Variants in PAX8 observed in about 807,000 individuals in gnomAD.
PAX8 encodes paired box 8, also known as paired box protein Pax-8.
A neutral mutation model predicts 52.4 loss-of-function variants in PAX8; 15 were observed. The ratio of observed to expected loss-of-function variants is 0.29; its 90% CI spans 0.19 to 0.44. PAX8 has a LOEUF of 0.44. Among genes scored for constraint, PAX8 ranks in the 20% least tolerant of loss-of-function variants. The pLI is 1.00. For missense variants in PAX8, 554 were observed against 602.5 expected (o/e 0.92, Z 0.84); for synonymous variants, 284 against 249.7 (o/e 1.14, Z -1.29).
At chr2:113,259,008 G>C (rs1336219572) in intron 2 of PAX8, 2 of 152,216 alleles carry the variant, frequency 1.3e-5, no homozygotes, top group Non-Finnish European at 2.9e-5. Context: ...GAGCACAGGG[G>C]CCAGAGAGCT....
chr2:113,226,669 G>A (rs56128723), intron 10 of PAX8: 11 of 1,057,458 alleles, frequency 1.0e-5, no homozygotes, highest in South Asian at 6.1e-5. Context: ...CATCGTCATC[G>A]TCATCATCAT....
intron 6 of PAX8, 61 bp from the exon 7 acceptor site, chr2:113,241,787 A>G (rs1230451515): frequency 6.3e-7 from 1 of 1,579,424 alleles, no homozygotes; most frequent in Admixed American, 1.7e-5. Context: ...GCTCTAGGCC[A>G]AAGTAGAGGA....
At chr2:113,265,145 C>G (rs2104579214) in intron 2 of PAX8, among the ~76,000 whole-genome samples, 1 of 152,258 alleles carries the variant, frequency 6.6e-6, no homozygotes, top group African/African-American at 2.4e-5. Flanking sequence ...AAGTGAATAA[C>G]CTAGCTATCA....
At chr2:113,248,173 A>AT (rs1234349185) in intron 2 of PAX8, among the ~76,000 whole-genome samples, 1 of 152,138 alleles carries the variant, frequency 6.6e-6, no homozygotes, top group African/African-American at 2.4e-5. Context: ...CAGGGCCGAG[A>AT]TTTCCATTTT....
chr2:113,239,596 C>T (rs1454849533), intron 7 of PAX8: 1 of 152,270 alleles, frequency 6.6e-6, no homozygotes, highest in Non-Finnish European at 1.5e-5. Flanking sequence ...TCCCTGCCTT[C>T]ACCACCCTCC....
chr2:113,267,720 G>C (rs142582959), intron 2 of PAX8: 3 of 152,360 alleles, frequency 2.0e-5, no homozygotes. Flanking sequence ...ATTTCTCAGG[G>C]TCTCTGAAAG....
At chr2:113,231,018 T>C (rs964692617) in intron 9 of PAX8, among the ~76,000 whole-genome samples, 4 of 152,166 alleles carry the variant, frequency 2.6e-5, no homozygotes, top group African/African-American at 9.7e-5. Context: ...ATTCTAAATA[T>C]TGGTAGAGGC....
Position 113,236,702 on chromosome 2 carries a change from A to G in PAX8, c.797T>C (p.Leu266Ser), listed in dbSNP as rs727504065. ...KGEQGLYPLP[L>S]LNSTLDDGKA... The stretch of plus-strand genomic sequence containing the variant: ...CCCGTCGTCCAGGGTGCTGTTGAGC[A>G]AGGGCAGCGGGTAGAGGCCCTGGGG... Residue 266 changes from leucine to serine, a missense_variant, in exon 8 of 12, where the codon TTG (leucine) becomes TCG (serine). Physicochemically the swap from Leu to Ser is moderately radical, Grantham distance 145. Transcript: ENST00000429538. The G allele has an allele frequency of 1.9e-6, 3 of 1,577,424 alleles. No homozygotes were observed. In the South Asian group the frequency reaches 3.5e-5, roughly 18 times the overall value.
rs755428349 is a variant in PAX8 at position 113,262,886 on chromosome 2, G to A, written c.25+15484C>T. Among the ~76,000 whole-genome samples the A allele has an allele frequency of 7.7e-4, 117 of 152,204 alleles. 1 individual carries two copies. Among genetic ancestry groups the A allele is most frequent in the Non-Finnish European group, 1.6e-4 (11 of 68,034 alleles). ...CTTGATTTGACACTTTTGGCTTCCAGAACTGTGAAACAATAAATTTCTATT... is the reference window on the plus strand; with the variant it reads ...CTTGATTTGACACTTTTGGCTTCCAAAACTGTGAAACAATAAATTTCTATT... On this transcript the variant is annotated intron_variant, in intron 2 of 11. Coordinates refer to ENST00000429538, the MANE Select transcript of PAX8 (RefSeq NM_003466.4).
In PAX8 at chr2:113,220,550, G is replaced by C. The variant is rs1004897235; in HGVS notation, c.1190-372C>G. On this transcript the variant is annotated intron_variant, in intron 10 of 11. Transcript: ENST00000429538. ...GGGTTTGGTGGAGCTGGGAAACTGT[G>C]CTGTGAGTGTAGGGCCCAGGGACTA... is the stretch of plus-strand genomic sequence containing the variant. 7.3e-5 allele frequency: 15 copies of C among 206,106 alleles called. No homozygotes were observed. In the Admixed American group the frequency reaches 7.4e-4, roughly 10 times the overall value. The allele number at this position is 206,106 out of a possible 1,614,324, so 12.8% of individuals were successfully genotyped here. A position where few individuals can be genotyped will look rare whatever the true frequency, so the allele number is the denominator to read the frequency against.
At chr2:113,251,360 G>A (rs1691744814) in intron 2 of PAX8, among the ~76,000 whole-genome samples, 1 of 151,992 alleles carries the variant, frequency 6.6e-6, no homozygotes. Flanking sequence ...GAGCCTCCTG[G>A]TTGGGCGGGA....
At chr2:113,225,375 T>A (rs1689501516) in intron 10 of PAX8, among the ~76,000 whole-genome samples, 2 of 152,192 alleles carry the variant, frequency 1.3e-5, no homozygotes, top group South Asian at 4.1e-4. Flanking sequence ...TTGCAAGCAG[T>A]GGTAAGAGAC....
chr2:113,270,320 G>T (rs1201948997), intron 2 of PAX8: 1 of 152,146 alleles, frequency 6.6e-6, no homozygotes. Context: ...GAGGAGACAG[G>T]TTTTACTCAC....
At chr2:113,242,851 C>A (rs1690978886) in intron 4 of PAX8, 73 bp from the exon 5 acceptor site, 2 of 1,219,780 alleles carry the variant, frequency 1.6e-6, no homozygotes, top group Admixed American at 1.7e-5. Context: ...CAGACCCAGT[C>A]GCCTTTTTGA....
At position 113,261,379 on chromosome 2, in the gene PAX8, C is replaced by G. The variant is rs539166058; in HGVS notation, c.26-14460G>C. The stretch of plus-strand genomic sequence containing the variant: ...GGCCAGAAACCCCCAGAAGCTGGTA[C>G]AGAGAGAGCTCTAGAGGGAAACATT... On this transcript the variant is annotated intron_variant, in intron 2 of 11. Transcript: ENST00000429538. Among the ~76,000 whole-genome samples the G allele has an allele frequency of 7.2e-5, 11 of 152,280 alleles. No individual in the cohort carries two copies. The East Asian group carries it at 2.1e-3, about 29-fold the overall frequency.
intron 2 of PAX8, among the ~76,000 whole-genome samples, chr2:113,261,877 G>C (rs1692708344): frequency 6.6e-6 from 1 of 151,714 alleles, no homozygotes; most frequent in Non-Finnish European, 1.5e-5. Context: ...GGAGTGAAGT[G>C]GTGCGATCTC....
intron 10 of PAX8, among the ~76,000 whole-genome samples, chr2:113,223,161 G>A (rs1201757731): frequency 1.3e-5 from 2 of 151,766 alleles, no homozygotes; most frequent in Non-Finnish European, 2.9e-5. Context: ...TCATAACACG[G>A]CCCAAAAAAC....
At chr2:113,224,192 T>G (rs1337838516) in intron 10 of PAX8, among the ~76,000 whole-genome samples, 1 of 151,736 alleles carries the variant, frequency 6.6e-6, no homozygotes, top group Non-Finnish European at 1.5e-5. Context: ...AAAGGATTGA[T>G]GGAAAGATGG....
In PAX8 at chr2:113,246,845, T is replaced by G. The variant is rs760446471; in HGVS notation, c.100A>C (p.Ile34Leu). Residue 34 changes from isoleucine (I) to leucine (L), a missense_variant, in exon 3 of 12, where the codon ATC becomes CTC. Physicochemically the swap from Ile to Leu is conservative, Grantham distance 5. Coordinates refer to ENST00000429538, the MANE Select transcript of PAX8 (RefSeq NM_003466.4). Reference protein sequence around the residue: ...RPLPEVVRQRIVDLAHQGVRP... With the variant: ...RPLPEVVRQRLVDLAHQGVRP... ...ACACCCTGGTGGGCCAGGTCTACGA[T>G]GCGCTGGCGGACCACTTCCGGCAGA... is the stretch of plus-strand genomic sequence containing the variant. 9 of 1,614,096 alleles carry G rather than the reference T, an allele frequency of 5.6e-6. No individual in the cohort carries two copies. The Admixed American group carries it at 1.0e-4, about 18-fold the overall frequency.
Sources: allele counts gnomAD v4.1 joint callset (sites outside exome capture counted in the v4.1 genomes callset), GRCh38; gene constraint gnomAD v4.1.1; transcripts MANE v1.5; gene names NCBI Gene and HGNC (gene_info 2026-07-23, HGNC 2026-07-21).